The following BBX variants were observed in gnomAD, a reference collection of about 807,000 sequenced individuals.
The protein encoded by BBX is BBX high mobility group box domain containing.
Under a neutral mutation model 100.2 loss-of-function variants are expected in BBX, and 30 were observed. That is an observed-to-expected ratio of 0.30 (90% CI 0.22 to 0.41). The LOEUF (loss-of-function observed/expected upper bound fraction) is 0.41. BBX is among the 10% of genes least tolerant of loss of function. BBX has a pLI of 1.00. For synonymous variants in BBX, 376 were observed against 388.1 expected (o/e 0.97, Z 0.37); for missense variants, 1,023 against 1,129.8 (o/e 0.91, Z 1.35).
Position 107,584,017 on chromosome 3 carries a change from ATAT to A in BBX, c.-84+57626_-84+57628del, listed in dbSNP as rs1260268585. On this transcript the variant is annotated intron_variant, in intron 2 of 17. Transcript: ENST00000325805. ...TATTATATTATTATATATATTATAC[ATAT>A]TATTATATATATTAATTATATATAT... Among the ~76,000 whole-genome samples, 39 of 75,706 alleles carry A rather than the reference ATAT, an allele frequency of 5.2e-4. 2 individuals are homozygous for A. Among genetic ancestry groups the A allele is most frequent in the Non-Finnish European group, 5.9e-4 (25 of 42,730 alleles). The allele number at this position is 75,706 out of a possible 152,430, so 49.7% of individuals were successfully genotyped here.
chr3:107,794,180 T>TA (rs1401693381), intron 15 of BBX, among the ~76,000 whole-genome samples: 1 of 152,142 alleles, frequency 6.6e-6, no homozygotes, highest in East Asian at 1.9e-4. Flanking sequence ...TACCACTTTA[T>TA]AGTTTACAGG....
chr3:107,710,374 CA>C, intron 3 of BBX, 77 bp from the exon 4 acceptor site: 2 of 1,208,270 alleles, frequency 1.7e-6, no homozygotes, highest in Non-Finnish European at 2.3e-6. Flanking sequence ...TAATTGTAAT[CA>C]AATTTACTTT....
At chr3:107,564,327 G>A (rs1191782786) in intron 2 of BBX, among the ~76,000 whole-genome samples, 1 of 151,984 alleles carries the variant, frequency 6.6e-6, no homozygotes, top group Non-Finnish European at 1.5e-5. Context: ...TATTTATATG[G>A]CAAATATTTT....
chr3:107,631,465 T>C (rs1389590909), intron 2 of BBX, among the ~76,000 whole-genome samples: 1 of 151,806 alleles, frequency 6.6e-6, no homozygotes, highest in South Asian at 2.1e-4. Flanking sequence ...TAACCAAACA[T>C]TTTTGTGTTT....
At chr3:107,674,092 T>C (rs1397520141) in intron 3 of BBX, among the ~76,000 whole-genome samples, 1 of 152,174 alleles carries the variant, frequency 6.6e-6, no homozygotes, top group African/African-American at 2.4e-5. Flanking sequence ...TGATGATACA[T>C]TTTTCAAGGG....
At chr3:107,758,552 C>G (rs1465171184) in intron 10 of BBX, among the ~76,000 whole-genome samples, 1 of 152,102 alleles carries the variant, frequency 6.6e-6, no homozygotes, top group East Asian at 1.9e-4. Flanking sequence ...TGCCTGCAAG[C>G]AGGAGTGATA....
intron 1 of BBX, chr3:107,524,715 T>G (rs2047622770): frequency 1.4e-5 from 2 of 142,112 alleles, no homozygotes. Flanking sequence ...CTTCCCAGTG[T>G]GTAGGGTCTA....
intron 2 of BBX, among the ~76,000 whole-genome samples, chr3:107,592,360 C>CA (rs398052177): frequency 0.25 from 19,063 of 74,942 alleles, 3,553 homozygotes; most frequent in South Asian, 0.38. Context: ...GACCCTGTCT[C>CA]AAAAAAAAAA....
chr3:107,576,546 T>C (rs765265859), intron 2 of BBX, among the ~76,000 whole-genome samples: 8 of 152,320 alleles, frequency 5.3e-5, no homozygotes, highest in Admixed American at 1.3e-4. Context: ...TAAGCTTGAA[T>C]GTATATTACA....
chr3:107,566,070 G>A (rs928473768), intron 2 of BBX, among the ~76,000 whole-genome samples: 7 of 146,614 alleles, frequency 4.8e-5, no homozygotes, highest in Non-Finnish European at 7.5e-5. Context: ...AGCCACTTGG[G>A]AGATTGTGGC....
At chr3:107,616,058 G>C (rs998401185) in intron 2 of BBX, among the ~76,000 whole-genome samples, 7 of 32,356 alleles carry the variant, frequency 2.2e-4, no homozygotes, top group Non-Finnish European at 4.1e-4. Flanking sequence ...TGTTGTTGTT[G>C]TTTAAAATTT....
chr3:107,708,708 T>A (rs1286461385), intron 3 of BBX, among the ~76,000 whole-genome samples: 1 of 152,054 alleles, frequency 6.6e-6, no homozygotes, highest in Non-Finnish European at 1.5e-5. Flanking sequence ...GAACTTTTAT[T>A]AAAAATGAAG....
At chr3:107,779,632 T>C (rs1174614807) in intron 13 of BBX, among the ~76,000 whole-genome samples, 14 of 152,274 alleles carry the variant, frequency 9.2e-5, no homozygotes, top group African/African-American at 3.1e-4. Context: ...TCCACTCTTT[T>C]GTATTTTAAA....
intron 3 of BBX, among the ~76,000 whole-genome samples, chr3:107,648,412 A>G (rs1024330286): frequency 5.9e-5 from 9 of 152,206 alleles, no homozygotes; most frequent in Non-Finnish European, 1.0e-4. Context: ...ACAGAATTAG[A>G]GAAAGGAAAT....
chr3:107,536,003 T>G (rs1166847808), intron 2 of BBX, among the ~76,000 whole-genome samples: 2 of 152,266 alleles, frequency 1.3e-5, no homozygotes, highest in Non-Finnish European at 2.9e-5. Context: ...GACATTAGCT[T>G]TGAAAGGCAG....
intron 2 of BBX, among the ~76,000 whole-genome samples, chr3:107,528,085 C>G (rs1194782892): frequency 6.6e-6 from 1 of 152,148 alleles, no homozygotes; most frequent in Non-Finnish European, 1.5e-5. Context: ...TTTTCAAGAA[C>G]AGTCTTGGAC....
rs78033308 is a variant in BBX, at chr3:107,785,771, A to G, written c.2204-4016A>G. Reference sequence around the variant, plus strand: ...TGCTTTCCCCCTAGGCAAAGGGGCAATACAAGAATATCCACTCTCACCACT... The same window carrying G: ...TGCTTTCCCCCTAGGCAAAGGGGCAGTACAAGAATATCCACTCTCACCACT... On this transcript the variant is annotated intron_variant, in intron 13 of 17. Transcript: ENST00000325805. Among the ~76,000 whole-genome samples, 518 of 152,202 alleles carry G rather than the reference A, an allele frequency of 3.4e-3. 1 individual carries two copies. Among genetic ancestry groups the G allele is most frequent in the Non-Finnish European group, 5.2e-3 (355 of 67,938 alleles).
intron 9 of BBX, among the ~76,000 whole-genome samples, chr3:107,750,760 A>G (rs999619111): frequency 6.6e-6 from 1 of 152,234 alleles, no homozygotes; most frequent in Non-Finnish European, 1.5e-5. Flanking sequence ...TGCTATGAGC[A>G]TATGTATTGC....
intron 3 of BBX, among the ~76,000 whole-genome samples, chr3:107,647,886 A>G (rs1034779875): frequency 2.0e-5 from 3 of 152,118 alleles, no homozygotes; most frequent in Non-Finnish European, 4.4e-5. Context: ...TGTCTTGCAG[A>G]GGAAAGAGGA....
Sources: gnomAD v4.1 joint callset for allele counts (sites outside exome capture counted in the v4.1 genomes callset) on GRCh38, gnomAD v4.1.1 for gene constraint, MANE v1.5 for transcripts, NCBI Gene and HGNC (gene_info 2026-07-23, HGNC 2026-07-21) for gene names.